The following METTL15 variants were observed in gnomAD, a reference collection of about 807,000 sequenced individuals.
The protein encoded by METTL15 is 12S rRNA N(4)-cytidine methyltransferase METTL15.
In METTL15, 34 loss-of-function variants were observed where a neutral mutation model predicts 38.3. That is an observed-to-expected ratio of 0.89 (90% CI 0.68 to 1.18). METTL15 has a LOEUF of 1.18. METTL15 is among the 50% of genes most tolerant of loss of function. METTL15 has a pLI of 0.00. For missense variants in METTL15, 438 were observed against 498.4 expected (o/e 0.88, Z 1.15); for synonymous variants, 162 against 170.9 (o/e 0.95, Z 0.41).
chr11:28,453,044 A>C (rs539910200), intron 6 of METTL15, among the ~76,000 whole-genome samples: 73 of 152,328 alleles, frequency 4.8e-4, no homozygotes, highest in Admixed American at 4.3e-3. Context: ...ATCCCTGCCC[A>C]TGATACAGTA....
At chr11:28,348,680 TTATGTATGTATGTATGTATGTATGTATG>T (rs55889001) in intron 3 of METTL15, among the ~76,000 whole-genome samples, 4 of 145,892 alleles carry the variant, frequency 2.7e-5, no homozygotes, top group African/African-American at 1.0e-4. Flanking sequence ...GTCTATCCAT[TTATGTATGTATGTATGTATGTATGTATG>T]TATGTATGTA....
At chr11:28,525,116 G>T (rs1488936764) in intron 6 of METTL15, among the ~76,000 whole-genome samples, 1 of 152,202 alleles carries the variant, frequency 6.6e-6, no homozygotes, top group Non-Finnish European at 1.5e-5. Context: ...GAGTGTTATA[G>T]CTCATAAAGG....
At chr11:28,244,031 A>T (rs1854411771) in intron 4 of METTL15, among the ~76,000 whole-genome samples, 1 of 152,190 alleles carries the variant, frequency 6.6e-6, no homozygotes, top group African/African-American at 2.4e-5. Context: ...GCTAGCTCAA[A>T]ACAGATGTTT....
At chr11:28,409,751 C>T (rs12295883) in intron 5 of METTL15, among the ~76,000 whole-genome samples, 2,686 of 151,734 alleles carry the variant, frequency 0.018, 52 homozygotes, top group African/African-American at 0.051. Flanking sequence ...AACAGACTTA[C>T]CGCAAAGTTA....
At chr11:28,447,981 C>T (rs972756484) in intron 6 of METTL15, among the ~76,000 whole-genome samples, 1 of 152,130 alleles carries the variant, frequency 6.6e-6, no homozygotes, top group East Asian at 1.9e-4. Context: ...TCACAGATCA[C>T]AACTTGGATC....
chr11:28,269,846 CA>C (rs1440627334), intron 4 of METTL15, among the ~76,000 whole-genome samples: 1 of 152,210 alleles, frequency 6.6e-6, no homozygotes, highest in East Asian at 1.9e-4. Flanking sequence ...TGCCAGCTTA[CA>C]TGCTGATCTC....
In METTL15 at chr11:28,200,533, C is replaced by T. The variant is rs7115237; in HGVS notation, c.271-10529C>T. On this transcript the variant is annotated intron_variant, in intron 3 of 6. Transcript: ENST00000407364. ...TGTTTCTACTTAACTGGGTGCTTTA[C>T]GCTAGTGGAAGCCTTCAGGTCATCA... 6.8e-3 allele frequency among the ~76,000 whole-genome samples: 1,040 copies of T among 152,170 alleles called. 9 individuals carry two copies. Among genetic ancestry groups the T allele is most frequent in the African/African-American group, 0.023 (944 of 41,516 alleles).
At chr11:28,375,617 G>A (rs1374488420) in intron 5 of METTL15, among the ~76,000 whole-genome samples, 1 of 151,990 alleles carries the variant, frequency 6.6e-6, no homozygotes, top group Non-Finnish European at 1.5e-5. Flanking sequence ...CAAAAAACCA[G>A]CTCCTGGTTT....
chr11:28,464,439 T>C (rs1316545123), intron 6 of METTL15, among the ~76,000 whole-genome samples: 1 of 152,000 alleles, frequency 6.6e-6, no homozygotes, highest in Non-Finnish European at 1.5e-5. Context: ...AACAAATGAG[T>C]GTGGTTGTGT....
At chr11:28,346,418 ATATTT>A (rs1275528515) in intron 3 of METTL15, among the ~76,000 whole-genome samples, 1 of 152,192 alleles carries the variant, frequency 6.6e-6, no homozygotes. Context: ...GCAATGAGTC[ATATTT>A]TATAGGTGTT....
intron 4 of METTL15, among the ~76,000 whole-genome samples, chr11:28,355,708 T>G (rs1017463438): frequency 1.3e-5 from 2 of 152,174 alleles, no homozygotes; most frequent in Non-Finnish European, 2.9e-5. Context: ...AGTATTACAT[T>G]ATTTAATATA....
At chr11:28,195,890 A>G (rs1005231521) in intron 3 of METTL15, among the ~76,000 whole-genome samples, 4 of 151,612 alleles carry the variant, frequency 2.6e-5, no homozygotes, top group Non-Finnish European at 4.4e-5. Context: ...CTGAAATGAA[A>G]TAGGGATCCA....
intron 6 of METTL15, among the ~76,000 whole-genome samples, chr11:28,445,994 G>A (rs1310757030): frequency 1.3e-5 from 2 of 152,090 alleles, no homozygotes; most frequent in African/African-American, 4.8e-5. Flanking sequence ...GGATTTTGTA[G>A]AGCTCATGTT....
At chr11:28,143,551 G>T (rs1397496581) in intron 3 of METTL15, among the ~76,000 whole-genome samples, 3 of 151,948 alleles carry the variant, frequency 2.0e-5, no homozygotes, top group African/African-American at 7.3e-5. Flanking sequence ...ACTTTGCTCT[G>T]TACTATTTAC....
chr11:28,332,954 GGAA>G lies in METTL15; in HGVS notation c.*2117_*2119del, dbSNP rs1334676280. 2.1e-4 allele frequency: 15 copies of G among 70,616 alleles called. 1 individual carries two copies. Among genetic ancestry groups the G allele is most frequent in the Non-Finnish European group, 3.6e-4 (13 of 36,356 alleles). 4.4% of individuals were successfully genotyped at this position (70,616 alleles called of 1,614,324 possible). On this transcript the variant is annotated 3_prime_UTR_variant, in exon 7 of 7. Transcript: ENST00000407364. ...TCTGTCTCAAAAAAAAAAAAAAAAA[GGAA>G]GAAAGAGAAGATAGAGACACAGGGG...
At chr11:28,344,557 C>G (rs1218279489) in intron 3 of METTL15, among the ~76,000 whole-genome samples, 1 of 152,170 alleles carries the variant, frequency 6.6e-6, no homozygotes, top group Non-Finnish European at 1.5e-5. Flanking sequence ...ACATGTGACC[C>G]AGTGATATGT....
Position 28,354,608 on chromosome 11 carries a change from G to GA in METTL15, c.*258+2458dup, listed in dbSNP as rs374473573. The stretch of plus-strand genomic sequence containing the variant: ...GTATGGCTTGAGGGCAGCAGTGGAT[G>GA]AAAAAAAACCCTGACTTTATTGTAT... On this transcript the variant is annotated intron_variant and NMD_transcript_variant, in intron 4 of 7. Coordinates refer to the METTL15 transcript ENST00000532947. Among the ~76,000 whole-genome samples, 8 of 151,612 alleles carry GA rather than the reference G, an allele frequency of 5.3e-5. No individual in the cohort carries two copies. The East Asian group carries it at 7.7e-4, about 15-fold the overall frequency.
chr11:28,246,323 T>A (rs1233928427), intron 4 of METTL15, among the ~76,000 whole-genome samples: 1 of 152,130 alleles, frequency 6.6e-6, no homozygotes, highest in Non-Finnish European at 1.5e-5. Context: ...CAATAAAAAA[T>A]TATTTATCCT....
intron 3 of METTL15, among the ~76,000 whole-genome samples, chr11:28,148,216 T>C (rs1849956239): frequency 6.6e-6 from 1 of 151,940 alleles, no homozygotes; most frequent in African/African-American, 2.4e-5. Context: ...TTAAAGATTC[T>C]AAACAGAGAA....
Sources: allele counts gnomAD v4.1 joint callset (sites outside exome capture counted in the v4.1 genomes callset), GRCh38; gene constraint gnomAD v4.1.1; transcripts MANE v1.5; gene names NCBI Gene and HGNC (gene_info 2026-07-23, HGNC 2026-07-21).